The following LDLRAD3 variants were observed in gnomAD, a reference collection of about 807,000 sequenced individuals.
LDLRAD3 encodes the protein low density lipoprotein receptor class A domain containing 3, also known as low-density lipoprotein receptor class A domain-containing protein 3.
In LDLRAD3, 20 loss-of-function variants were observed where a neutral mutation model predicts 29.4. The observed-to-expected ratio is 0.68, with a 90% CI of 0.48 to 0.99. LDLRAD3 has a LOEUF of 0.99. Among genes scored for constraint, LDLRAD3 ranks in the 50% least tolerant of loss-of-function variants. The pLI, the probability that LDLRAD3 is intolerant of heterozygous loss-of-function variation, is 0.00. For synonymous variants in LDLRAD3, 157 were observed against 192.7 expected, an observed-to-expected ratio of 0.81 and a Z score of 1.53; for missense variants, 420 against 454.3, an observed-to-expected ratio of 0.92 and a Z score of 0.69.
Position 35,950,653 on chromosome 11 carries a change from G to A in LDLRAD3, c.46+6509G>A, listed in dbSNP as rs1415756775. On this transcript the variant is annotated intron_variant, in intron 1 of 5. Transcript: ENST00000315571. Reference sequence around the variant, plus strand: ...CTGGGATCATATATTAAGTGTCTGTGATACTTTTTCTTTTGTGGTGTCTAG... The same window carrying A: ...CTGGGATCATATATTAAGTGTCTGTAATACTTTTTCTTTTGTGGTGTCTAG... 2.6e-5 allele frequency among the ~76,000 whole-genome samples: 4 copies of A among 152,302 alleles called. No homozygotes were observed. The South Asian group carries it at 8.3e-4, about 32-fold the overall frequency.
intron 1 of LDLRAD3, among the ~76,000 whole-genome samples, chr11:36,017,759 A>G (rs1322222824): frequency 3.9e-5 from 6 of 152,094 alleles, no homozygotes; most frequent in African/African-American, 1.4e-4. Context: ...TCCCGACCTC[A>G]AGTGATCCAC....
At chr11:36,040,153 G>C (rs1852361633) in intron 2 of LDLRAD3, among the ~76,000 whole-genome samples, 1 of 126,136 alleles carries the variant, frequency 7.9e-6, no homozygotes, top group African/African-American at 3.0e-5. Flanking sequence ...TTTGGCATTG[G>C]AAAGATAATA....
At chr11:36,040,551 T>A (rs1242343513) in intron 2 of LDLRAD3, among the ~76,000 whole-genome samples, 1 of 152,212 alleles carries the variant, frequency 6.6e-6, no homozygotes, top group Non-Finnish European at 1.5e-5. Flanking sequence ...TGCCATTAAC[T>A]TGCTATAATA....
intron 2 of LDLRAD3, among the ~76,000 whole-genome samples, chr11:36,047,256 A>G (rs1297928197): frequency 6.6e-6 from 1 of 152,230 alleles, no homozygotes; most frequent in Non-Finnish European, 1.5e-5. Context: ...AAATTAGATT[A>G]TCAGGTTTTC....
intron 4 of LDLRAD3, among the ~76,000 whole-genome samples, chr11:36,147,222 A>G (rs1374287368): frequency 7.3e-6 from 1 of 137,080 alleles, no homozygotes; most frequent in Admixed American, 8.2e-5. Flanking sequence ...GGTTCATGCC[A>G]TTCTCCTGCC....
rs568147357 is a variant in LDLRAD3, at chr11:36,031,222, C to G, written c.47-4881C>G. On this transcript the variant is annotated intron_variant, in intron 1 of 5. Transcript: ENST00000315571. ...AGGAGAAACCCCAGCTAGCCAACTTCGTGCTAATGCTTGTCTTTTTTGGAT... is the reference window on the plus strand; with the variant it reads ...AGGAGAAACCCCAGCTAGCCAACTTGGTGCTAATGCTTGTCTTTTTTGGAT... Among the ~76,000 whole-genome samples the G allele has an allele frequency of 7.9e-5, 12 of 152,252 alleles. 1 individual carries two copies. In the East Asian group the frequency reaches 2.3e-3, roughly 29 times the overall value.
chr11:35,960,374 TATA>T lies in LDLRAD3; in HGVS notation c.46+16237_46+16239del, dbSNP rs1454938349. Reference sequence around the variant, plus strand: ...TTGTGCATAATAGCAGGACTTTCTCTATAATAATATCCTTGAAGTAGAATTGCT... The same window carrying T: ...TTGTGCATAATAGCAGGACTTTCTCTATAATATCCTTGAAGTAGAATTGCT... On this transcript the variant is annotated intron_variant, in intron 1 of 5. Coordinates refer to ENST00000315571, the MANE Select transcript of LDLRAD3 (RefSeq NM_174902.4). 2.0e-5 allele frequency among the ~76,000 whole-genome samples: 3 copies of T among 152,354 alleles called. No individual in the cohort carries two copies. In the East Asian group the frequency reaches 5.8e-4, roughly 29 times the overall value.
chr11:35,957,172 T>C (rs553524352), intron 1 of LDLRAD3, among the ~76,000 whole-genome samples: 85 of 152,358 alleles, frequency 5.6e-4, no homozygotes, highest in African/African-American at 2.0e-3. Flanking sequence ...TTTTAACACA[T>C]TGGTTTATTT....
At chr11:36,212,445 G>A (rs2133382509) in intron 4 of LDLRAD3, among the ~76,000 whole-genome samples, 1 of 151,850 alleles carries the variant, frequency 6.6e-6, no homozygotes, top group Non-Finnish European at 1.5e-5. Context: ...GGCCACCTGG[G>A]CCCTAGCTCC....
chr11:35,961,169 G>A lies in LDLRAD3; in HGVS notation c.46+17025G>A, dbSNP rs1470893806. 5.9e-5 allele frequency among the ~76,000 whole-genome samples: 9 copies of A among 152,226 alleles called. No individual in the cohort carries two copies. The South Asian group carries it at 6.2e-4, about 11-fold the overall frequency. ...GATTCTGGTGCCCCCGTGGCTCAGC[G>A]TATAGAAGGCAGTGAGCGTCAGCCA... On this transcript the variant is annotated intron_variant, in intron 1 of 5. Coordinates refer to ENST00000315571, the MANE Select transcript of LDLRAD3 (RefSeq NM_174902.4).
At chr11:36,075,354 T>A (rs1170031746) in intron 2 of LDLRAD3, among the ~76,000 whole-genome samples, 3 of 151,522 alleles carry the variant, frequency 2.0e-5, no homozygotes, top group Non-Finnish European at 4.4e-5. Context: ...GTCCTGGGAG[T>A]TAGCCTAGTG....
intron 1 of LDLRAD3, among the ~76,000 whole-genome samples, chr11:35,988,216 C>T (rs901796366): frequency 6.6e-6 from 1 of 152,062 alleles, no homozygotes; most frequent in East Asian, 1.9e-4. Flanking sequence ...CGCCACTATG[C>T]CTGCTAATTT....
At chr11:35,971,330 G>T (rs771648986) in intron 1 of LDLRAD3, among the ~76,000 whole-genome samples, 1 of 152,170 alleles carries the variant, frequency 6.6e-6, no homozygotes, top group Non-Finnish European at 1.5e-5. Context: ...GGGCTGATTT[G>T]CATCCCCAAA....
intron 2 of LDLRAD3, among the ~76,000 whole-genome samples, chr11:36,070,524 G>A (rs1401750335): frequency 3.9e-5 from 6 of 152,192 alleles, no homozygotes; most frequent in African/African-American, 1.4e-4. Context: ...AGGAGTCATG[G>A]CCAGAGTAGG....
At chr11:36,228,334 C>T (rs993247847) in intron 5 of LDLRAD3, among the ~76,000 whole-genome samples, 2 of 152,198 alleles carry the variant, frequency 1.3e-5, no homozygotes, top group Non-Finnish European at 1.5e-5. Flanking sequence ...GAATTCAGGA[C>T]CTTCCTCACC....
chr11:36,057,840 C>A (rs1382586299), intron 2 of LDLRAD3, among the ~76,000 whole-genome samples: 2 of 152,198 alleles, frequency 1.3e-5, no homozygotes, highest in Non-Finnish European at 1.5e-5. Flanking sequence ...GTCACCATTT[C>A]CTTGCTTAAC....
intron 4 of LDLRAD3, among the ~76,000 whole-genome samples, chr11:36,147,193 C>G (rs1854209752): frequency 7.0e-6 from 1 of 142,424 alleles, no homozygotes; most frequent in African/African-American, 2.6e-5. Flanking sequence ...TCTCGGCTCA[C>G]TGCAAGCTCC....
Position 36,098,469 on chromosome 11 carries a change from CCT to C in LDLRAD3, c.454+12_454+13del. 1 of 1,614,096 alleles carries C rather than the reference CCT, an allele frequency of 6.2e-7. No individual in the cohort carries two copies. The highest frequency in any genetic ancestry group is 1.3e-5 in the African/African-American group (1 of 75,046). ...GCTGTGAAAGTTCTCAAGGTAGGAA[CCT>C]CTCAAGCTCTAAAAAGATAATTGCA... On this transcript the variant is annotated intron_variant, in intron 4 of 5. Coordinates refer to ENST00000315571, the MANE Select transcript of LDLRAD3 (RefSeq NM_174902.4).
At chr11:36,121,260 G>A (rs527906286) in intron 4 of LDLRAD3, among the ~76,000 whole-genome samples, 1 of 152,262 alleles carries the variant, frequency 6.6e-6, no homozygotes, top group Admixed American at 6.5e-5. Flanking sequence ...CCATAGAAAG[G>A]GTTTGCCTAA....
Sources: gnomAD v4.1 joint callset for allele counts (sites outside exome capture counted in the v4.1 genomes callset) on GRCh38, gnomAD v4.1.1 for gene constraint, MANE v1.5 for transcripts, NCBI Gene and HGNC (gene_info 2026-07-23, HGNC 2026-07-21) for gene names.